AUTS2: variants seen among roughly 807,000 people sequenced by gnomAD.
AUTS2 encodes the protein autism susceptibility gene 2 protein.
Under a neutral mutation model 112.4 loss-of-function variants are expected in AUTS2, and 17 were observed. The ratio of observed to expected loss-of-function variants is 0.15; its 90% CI spans 0.10 to 0.23. The LOEUF (loss-of-function observed/expected upper bound fraction) is 0.23. AUTS2 is among the 10% of genes least tolerant of loss of function. AUTS2 has a pLI of 1.00. For missense variants in AUTS2, 1,510 were observed against 1,701.6 expected (o/e 0.89, Z 1.98); for synonymous variants, 751 against 702.7 (o/e 1.07, Z -1.09).
At chr7:70,096,846 G>A (rs1443017579) in intron 2 of AUTS2, among the ~76,000 whole-genome samples, 1 of 152,080 alleles carries the variant, frequency 6.6e-6, no homozygotes, top group Non-Finnish European at 1.5e-5. Context: ...AGAATATAAT[G>A]CCAAAATTAA....
intron 1 of AUTS2, among the ~76,000 whole-genome samples, chr7:69,895,099 G>A (rs1262901111): frequency 6.6e-6 from 1 of 152,184 alleles, no homozygotes; most frequent in Non-Finnish European, 1.5e-5. Context: ...TGGTGGTGGA[G>A]GAAAGCATTG....
At position 70,325,567 on chromosome 7, in the gene AUTS2, T is replaced by C. The variant is rs905457818; in HGVS notation, c.661-110185T>C. ...AGTGAAGCTGAACCTTGTCTTCTTA[T>C]GGAGAATATATTCAGAAGGTAGAAT... On this transcript the variant is annotated intron_variant, in intron 4 of 18. Coordinates refer to ENST00000342771, the MANE Select transcript of AUTS2 (RefSeq NM_015570.4). Among the ~76,000 whole-genome samples the C allele has an allele frequency of 2.6e-5, 4 of 152,306 alleles. No individual in the cohort carries two copies. The South Asian group carries it at 8.3e-4, about 32-fold the overall frequency.
In AUTS2 at chr7:70,511,561, C is replaced by CTTTTTTTTTTTT. The variant is rs3974587; in HGVS notation, c.690+75798_690+75809dup. 3.4e-3 allele frequency among the ~76,000 whole-genome samples: 239 copies of CTTTTTTTTTTTT among 70,132 alleles called. 16 individuals carry two copies. Among genetic ancestry groups the CTTTTTTTTTTTT allele is most frequent in the Non-Finnish European group, 3.8e-3 (151 of 39,306 alleles). 46.0% of individuals were successfully genotyped at this position (70,132 alleles called of 152,430 possible). ...TTCATTTTAAACTTTTTTTCATTTT[C>CTTTTTTTTTTTT]TTTTTTTTTTTTTTTTTTTTTTTTT... On this transcript the variant is annotated intron_variant, in intron 5 of 18. Coordinates refer to ENST00000342771, the MANE Select transcript of AUTS2 (RefSeq NM_015570.4).
At chr7:70,713,752 G>A (rs6974008) in intron 6 of AUTS2, among the ~76,000 whole-genome samples, 3,999 of 152,236 alleles carry the variant, frequency 0.026, 204 homozygotes, top group African/African-American at 0.089. Context: ...GAAATTAGCC[G>A]GGCGTGGTGG....
intron 1 of AUTS2, among the ~76,000 whole-genome samples, chr7:69,692,381 CAT>C (rs995484658): frequency 2.0e-5 from 3 of 152,144 alleles, no homozygotes; most frequent in African/African-American, 7.2e-5. Flanking sequence ...GAAATACAGA[CAT>C]ATGAAATGTT....
chr7:70,350,519 A>G (rs1237343541), intron 4 of AUTS2, among the ~76,000 whole-genome samples: 1 of 152,174 alleles, frequency 6.6e-6, no homozygotes, highest in African/African-American at 2.4e-5. Context: ...CCATGTGCAG[A>G]GTTTATAAAA....
At chr7:69,792,475 G>A (rs925738856) in intron 1 of AUTS2, among the ~76,000 whole-genome samples, 7 of 152,124 alleles carry the variant, frequency 4.6e-5, no homozygotes, top group Non-Finnish European at 1.0e-4. Flanking sequence ...TCCTGACCTC[G>A]TGATCCACCC....
chr7:70,683,514 G>A (rs1039090282), intron 5 of AUTS2, among the ~76,000 whole-genome samples: 25 of 152,338 alleles, frequency 1.6e-4, no homozygotes, highest in South Asian at 6.2e-4. Flanking sequence ...GTGAGGATAC[G>A]TGTGCCCCTA....
At chr7:70,321,020 G>A (rs1320877103) in intron 4 of AUTS2, among the ~76,000 whole-genome samples, 1 of 152,168 alleles carries the variant, frequency 6.6e-6, no homozygotes, top group East Asian at 1.9e-4. Flanking sequence ...CCTTGCTGGC[G>A]TATCTTAACA....
chr7:69,916,273 A>G (rs1289478451), intron 2 of AUTS2, among the ~76,000 whole-genome samples: 2 of 152,246 alleles, frequency 1.3e-5, no homozygotes, highest in African/African-American at 2.4e-5. Context: ...CTCCAAGGAT[A>G]CTACTCACTG....
chr7:70,183,013 T>C (rs1243897972), intron 4 of AUTS2, among the ~76,000 whole-genome samples: 1 of 152,172 alleles, frequency 6.6e-6, no homozygotes, highest in Non-Finnish European at 1.5e-5. Flanking sequence ...TGTCCGCGTT[T>C]CCATTTTGAA....
intron 4 of AUTS2, among the ~76,000 whole-genome samples, chr7:70,348,814 A>AT (rs1791621960): frequency 6.6e-6 from 1 of 152,216 alleles, no homozygotes; most frequent in African/African-American, 2.4e-5. Context: ...CCGTCTCAAA[A>AT]AAACAAAAAA....
At position 69,692,016 on chromosome 7, in the gene AUTS2, A is replaced by T. The variant is rs568279264; in HGVS notation, c.309+92054A>T. On this transcript the variant is annotated intron_variant, in intron 1 of 18. Transcript: ENST00000342771. The stretch of plus-strand genomic sequence containing the variant: ...CCTGTTTTTGTCAACTGTGCCATCC[A>T]GCTGAGCACCTTAGAGCTTGAAGCT... Among the ~76,000 whole-genome samples, 6 of 152,282 alleles carry T rather than the reference A, an allele frequency of 3.9e-5. No individual in the cohort carries two copies. In the South Asian group the frequency reaches 1.2e-3, roughly 32 times the overall value.
intron 4 of AUTS2, among the ~76,000 whole-genome samples, chr7:70,426,134 A>G (rs1188931812): frequency 1.3e-5 from 2 of 152,156 alleles, no homozygotes; most frequent in Admixed American, 6.5e-5. Flanking sequence ...TTATATATGA[A>G]GGATAACGAT....
intron 1 of AUTS2, among the ~76,000 whole-genome samples, chr7:69,715,227 T>TAAA (rs61555118): frequency 1.7e-3 from 224 of 129,374 alleles, no homozygotes; most frequent in African/African-American, 5.3e-3. Flanking sequence ...CAGGCATAAG[T>TAAA]AAAAAAAAAA....
intron 5 of AUTS2, among the ~76,000 whole-genome samples, chr7:70,471,906 G>A (rs1197766963): frequency 6.6e-6 from 1 of 152,032 alleles, no homozygotes; most frequent in Non-Finnish European, 1.5e-5. Flanking sequence ...TGTGTGTGAG[G>A]AATAGCAAGC....
chr7:70,164,910 A>G (rs568611823), intron 4 of AUTS2, among the ~76,000 whole-genome samples: 1 of 152,206 alleles, frequency 6.6e-6, no homozygotes, highest in Non-Finnish European at 1.5e-5. Context: ...CTGACATGCA[A>G]ACTTCAGACA....
At chr7:70,712,861 T>C (rs1351376306) in intron 6 of AUTS2, among the ~76,000 whole-genome samples, 3 of 152,222 alleles carry the variant, frequency 2.0e-5, no homozygotes, top group Non-Finnish European at 2.9e-5. Context: ...CTCAGCTCAC[T>C]GCAGCCTCCA....
intron 2 of AUTS2, among the ~76,000 whole-genome samples, chr7:70,040,567 T>C (rs1383671701): frequency 6.7e-6 from 1 of 149,330 alleles, no homozygotes; most frequent in East Asian, 1.9e-4. Flanking sequence ...TTCACTGGCC[T>C]ATTAGGGCAT....
Sources: allele counts gnomAD v4.1 joint callset (sites outside exome capture counted in the v4.1 genomes callset), GRCh38; gene constraint gnomAD v4.1.1; transcripts MANE v1.5; gene names NCBI Gene and HGNC (gene_info 2026-07-23, HGNC 2026-07-21).